RAB31: variants seen among roughly 807,000 people sequenced by gnomAD.
RAB31 encodes the protein ras-related protein Rab-31.
Under a neutral mutation model 25.6 loss-of-function variants are expected in RAB31, and 21 were observed. The ratio of observed to expected loss-of-function variants is 0.82; its 90% CI spans 0.58 to 1.18. RAB31 has a LOEUF of 1.18. Ranked by LOEUF, RAB31 falls within the 50% of genes most tolerant of loss-of-function variation. RAB31 has a pLI of 0.00. For missense variants in RAB31, 196 were observed against 250.1 expected (o/e 0.78, Z 1.46); for synonymous variants, 87 against 84.0 (o/e 1.04, Z -0.20).
intron 3 of RAB31, among the ~76,000 whole-genome samples, chr18:9,804,843 T>C (rs1227462714): frequency 2.0e-5 from 3 of 152,182 alleles, no homozygotes; most frequent in African/African-American, 7.2e-5. Context: ...AGGAGGCTTT[T>C]TGAGGGCAGG....
intron 5 of RAB31, among the ~76,000 whole-genome samples, chr18:9,840,639 C>A (rs2068728764): frequency 6.6e-6 from 1 of 152,206 alleles, no homozygotes; most frequent in Non-Finnish European, 1.5e-5. Context: ...AACTGGATGT[C>A]CTACTATTCA....
chr18:9,834,889 A>G (rs2068696483), intron 5 of RAB31, among the ~76,000 whole-genome samples: 1 of 152,214 alleles, frequency 6.6e-6, no homozygotes, highest in Non-Finnish European at 1.5e-5. Context: ...AATATTAAGA[A>G]CTACAACTAT....
At chr18:9,831,643 C>T (rs1261473669) in intron 5 of RAB31, among the ~76,000 whole-genome samples, 3 of 152,208 alleles carry the variant, frequency 2.0e-5, no homozygotes, top group African/African-American at 7.2e-5. Context: ...GTGGCATGGC[C>T]CTGCTTTGAC....
intron 1 of RAB31, among the ~76,000 whole-genome samples, chr18:9,761,694 C>G (rs1031540759): frequency 1.3e-5 from 2 of 152,198 alleles, no homozygotes; most frequent in African/African-American, 2.4e-5. Flanking sequence ...GCCCTGAGGC[C>G]TCTCTCAGTT....
At chr18:9,797,176 C>T (rs1321205147) in intron 3 of RAB31, among the ~76,000 whole-genome samples, 1 of 152,170 alleles carries the variant, frequency 6.6e-6, no homozygotes, top group Non-Finnish European at 1.5e-5. Context: ...AGAGACCTCA[C>T]TTCTTGATAT....
chr18:9,742,948 C>A (rs1226764578), intron 1 of RAB31, among the ~76,000 whole-genome samples: 1 of 152,080 alleles, frequency 6.6e-6, no homozygotes, highest in Non-Finnish European at 1.5e-5. Flanking sequence ...TTCAAAGTCG[C>A]AAATGAAATA....
rs1293769628 is a variant in RAB31 at position 9,806,538 on chromosome 18, G to A, written c.202-7482G>A. Reference sequence around the variant, plus strand: ...AGGGAGCAGCGAGAAGGCCGGGGCTGGAGACAAGCAGGGGAGGGGCCCAAG... The same window carrying A: ...AGGGAGCAGCGAGAAGGCCGGGGCTAGAGACAAGCAGGGGAGGGGCCCAAG... On this transcript the variant is annotated intron_variant, in intron 3 of 6. Transcript: ENST00000578921. Among the ~76,000 whole-genome samples the A allele has an allele frequency of 5.3e-5, 8 of 152,090 alleles. No homozygotes were observed. The East Asian group carries it at 1.5e-3, about 29-fold the overall frequency.
chr18:9,773,810 C>G (rs536435012), intron 1 of RAB31, among the ~76,000 whole-genome samples: 33 of 152,078 alleles, frequency 2.2e-4, no homozygotes, highest in Non-Finnish European at 4.6e-4. Context: ...AGGCCCATGT[C>G]GCCACACCCG....
chr18:9,727,227 C>A (rs1043746920), intron 1 of RAB31, among the ~76,000 whole-genome samples: 15 of 152,152 alleles, frequency 9.9e-5, no homozygotes, highest in Admixed American at 9.8e-4. Flanking sequence ...ATAGCACTTT[C>A]TCTGTTTGCT....
Position 9,766,262 on chromosome 18 carries a change from T to C in RAB31, c.40-9016T>C, listed in dbSNP as rs558695222. Among the ~76,000 whole-genome samples, 1 of 152,322 alleles carries C rather than the reference T, an allele frequency of 6.6e-6. No homozygotes were observed. Among genetic ancestry groups the C allele is most frequent in the South Asian group, 2.1e-4 (1 of 4,826 alleles). ...TCCAGACAGGGCTGAGGCACCCTCC[T>C]GCTCCAAGATGTGGAGGCGCCTTCC... On this transcript the variant is annotated intron_variant, in intron 1 of 6. Transcript: ENST00000578921. This position sits in a 1 kb window ranked among gnomAD's most constrained non-coding sequence, Gnocchi z 4.3.
chr18:9,772,433 C>G (rs954958564), intron 1 of RAB31, among the ~76,000 whole-genome samples: 1 of 152,212 alleles, frequency 6.6e-6, no homozygotes, highest in Non-Finnish European at 1.5e-5. Context: ...TGGGGCAGCC[C>G]CATCACCACT....
intron 2 of RAB31, among the ~76,000 whole-genome samples, chr18:9,790,665 T>G (rs1357904988): frequency 6.6e-6 from 1 of 152,266 alleles, no homozygotes; most frequent in African/African-American, 2.4e-5. Context: ...TTTTCTGGTT[T>G]GCTTCTCATG....
At chr18:9,746,489 G>A in intron 1 of RAB31, among the ~76,000 whole-genome samples, 1 of 144,816 alleles carries the variant, frequency 6.9e-6, no homozygotes, top group African/African-American at 2.5e-5. Flanking sequence ...CAAAGTTGAA[G>A]GACTCAACAC....
Position 9,737,976 on chromosome 18 carries a change from A to G in RAB31, c.39+29532A>G, listed in dbSNP as rs1015535667. On this transcript the variant is annotated intron_variant, in intron 1 of 6. Coordinates refer to ENST00000578921, the MANE Select transcript of RAB31 (RefSeq NM_006868.4). Reference sequence around the variant, plus strand: ...GGCTTACCAACAACGTGGTCCTGGCAGGCAGCCAGCCGGCCGGCATTTAAA... The same window carrying G: ...GGCTTACCAACAACGTGGTCCTGGCGGGCAGCCAGCCGGCCGGCATTTAAA... Among the ~76,000 whole-genome samples the G allele has an allele frequency of 2.1e-4, 32 of 152,314 alleles. 1 individual carries two copies. Among genetic ancestry groups the G allele is most frequent in the Middle Eastern group, 6.8e-3 (2 of 294 alleles).
intron 1 of RAB31, among the ~76,000 whole-genome samples, chr18:9,729,420 A>G (rs1599015049): frequency 6.6e-6 from 1 of 151,890 alleles, no homozygotes; most frequent in African/African-American, 2.4e-5. Context: ...CCAGCTACTC[A>G]GGAGACTGAG....
Position 9,861,907 on chromosome 18 carries a change from T to C in RAB31, c.*2582T>C, listed in dbSNP as rs1567877064. The C allele has an allele frequency of 6.6e-6, 1 of 152,642 alleles. No homozygotes were observed. The highest frequency in any genetic ancestry group is 2.4e-5 in the African/African-American group (1 of 41,458). The allele number at this position is 152,642 out of a possible 1,614,324, so 9.5% of individuals were successfully genotyped here. A position where few individuals can be genotyped will look rare whatever the true frequency, so the allele number is the denominator to read the frequency against. On this transcript the variant is annotated 3_prime_UTR_variant, in exon 7 of 7. Transcript: ENST00000578921. ...GCTTCCCAATGGAAATCTCTGAGAA[T>C]GACAGTGGAGTTGTGCAAGCATTTT...
chr18:9,831,613 T>C (rs1258598825), intron 5 of RAB31, among the ~76,000 whole-genome samples: 1 of 152,158 alleles, frequency 6.6e-6, no homozygotes, highest in East Asian at 1.9e-4. Flanking sequence ...CCTGAGAGGA[T>C]CGTGTGTGGG....
At chr18:9,749,045 A>G (rs1385507106) in intron 1 of RAB31, among the ~76,000 whole-genome samples, 1 of 152,110 alleles carries the variant, frequency 6.6e-6, no homozygotes, top group Non-Finnish European at 1.5e-5. Flanking sequence ...TCTTCAAAGA[A>G]CCATTTTATG....
intron 1 of RAB31, among the ~76,000 whole-genome samples, chr18:9,754,932 TTG>T (rs1231224338): frequency 6.6e-6 from 1 of 152,142 alleles, no homozygotes; most frequent in Admixed American, 6.5e-5. Flanking sequence ...TCTCTGGCAC[TTG>T]TCACAGGATT....
Sources: gnomAD v4.1 joint callset for allele counts (sites outside exome capture counted in the v4.1 genomes callset) on GRCh38, gnomAD v4.1.1 for gene constraint, Gnocchi (gnomAD v3.1) non-coding constraint, MANE v1.5 for transcripts, NCBI Gene and HGNC (gene_info 2026-07-23, HGNC 2026-07-21) for gene names.